Variants in MVB12B observed in about 807,000 individuals in gnomAD.
The protein encoded by MVB12B is multivesicular body subunit 12B, also known as ESCRT-I complex subunit MVB12B.
A neutral mutation model predicts 41.6 loss-of-function variants in MVB12B; 16 were observed. That is an observed-to-expected ratio of 0.38 (90% CI 0.26 to 0.58). The LOEUF is 0.58. MVB12B is among the 20% of genes least tolerant of loss of function. MVB12B has a pLI of 0.62. For missense variants in MVB12B, 274 were observed against 380.2 expected (o/e 0.72, Z 2.32); for synonymous variants, 133 against 139.7 (o/e 0.95, Z 0.34).
At chr9:126,425,573 C>T (rs970255508) in intron 7 of MVB12B, among the ~76,000 whole-genome samples, 1 of 152,206 alleles carries the variant, frequency 6.6e-6, no homozygotes, top group African/African-American at 2.4e-5. Flanking sequence ...TTCCAGACCA[C>T]AGATCAATAA....
chr9:126,338,635 GCA>G (rs1470431792), intron 1 of MVB12B, among the ~76,000 whole-genome samples: 1 of 150,882 alleles, frequency 6.6e-6, no homozygotes, highest in Non-Finnish European at 1.5e-5. Context: ...TGATATTTTA[GCA>G]CTGGCAGAAT....
At chr9:126,501,449 G>A (rs951565443) in intron 9 of MVB12B, among the ~76,000 whole-genome samples, 2 of 152,216 alleles carry the variant, frequency 1.3e-5, no homozygotes, top group Admixed American at 6.5e-5. Flanking sequence ...GGCTCCCTTC[G>A]GTTTGGGGGC....
At chr9:126,399,214 T>C (rs1831200544) in intron 6 of MVB12B, among the ~76,000 whole-genome samples, 1 of 152,186 alleles carries the variant, frequency 6.6e-6, no homozygotes, top group Non-Finnish European at 1.5e-5. Context: ...ACAGTGATGC[T>C]TCATCTCACA....
chr9:126,413,297 T>C (rs962461984), intron 6 of MVB12B, among the ~76,000 whole-genome samples: 1 of 152,192 alleles, frequency 6.6e-6, no homozygotes, highest in African/African-American at 2.4e-5. Context: ...AAGTCCAAGC[T>C]GTATCCAGCA....
chr9:126,374,336 G>T (rs1391081408), intron 2 of MVB12B, among the ~76,000 whole-genome samples: 2 of 152,364 alleles, frequency 1.3e-5, no homozygotes, highest in Non-Finnish European at 2.9e-5. Context: ...AACCAGGGAG[G>T]CTGCTTACAT....
chr9:126,489,791 A>G (rs1450353044), intron 9 of MVB12B, among the ~76,000 whole-genome samples: 5 of 152,214 alleles, frequency 3.3e-5, no homozygotes, highest in African/African-American at 1.2e-4. Context: ...GCCCGCATAC[A>G]TGAGTCCCAG....
chr9:126,453,963 G>A (rs940849938), intron 7 of MVB12B, among the ~76,000 whole-genome samples: 1 of 152,166 alleles, frequency 6.6e-6, no homozygotes, highest in African/African-American at 2.4e-5. Context: ...TGGAAGTCTG[G>A]TGTCCCATCA....
chr9:126,448,653 G>A (rs539221572), intron 7 of MVB12B, among the ~76,000 whole-genome samples: 2 of 152,186 alleles, frequency 1.3e-5, no homozygotes, highest in African/African-American at 4.8e-5. Context: ...AGGGGAAGCC[G>A]ATGTATCACA....
intron 4 of MVB12B, among the ~76,000 whole-genome samples, chr9:126,390,503 C>G (rs1424988460): frequency 6.6e-6 from 1 of 152,212 alleles, no homozygotes; most frequent in East Asian, 1.9e-4. Context: ...CGTTGGTCAG[C>G]ACTGGAGGTT....
chr9:126,456,709 T>C (rs552166974), intron 7 of MVB12B, among the ~76,000 whole-genome samples: 120 of 152,304 alleles, frequency 7.9e-4, no homozygotes, highest in African/African-American at 2.7e-3. Context: ...TCCTGGGATA[T>C]GGGGTCTGAG....
At chr9:126,365,299 TC>T (rs1307746117) in intron 2 of MVB12B, among the ~76,000 whole-genome samples, 3 of 142,486 alleles carry the variant, frequency 2.1e-5, no homozygotes, top group Non-Finnish European at 4.5e-5. Flanking sequence ...TCTCCTGACC[TC>T]ATGATCTATC....
intron 7 of MVB12B, among the ~76,000 whole-genome samples, chr9:126,435,382 A>G (rs1832443571): frequency 6.6e-6 from 1 of 152,200 alleles, no homozygotes; most frequent in Non-Finnish European, 1.5e-5. Flanking sequence ...TTGGCATAAT[A>G]GAAGGCAAAC....
chr9:126,392,301 C>G lies in MVB12B; in HGVS notation c.539+106C>G. On this transcript the variant is annotated intron_variant, in intron 5 of 9. Coordinates refer to ENST00000361171, the MANE Select transcript of MVB12B (RefSeq NM_033446.3). The surrounding 1 kb of genome is among the most constrained non-coding windows in gnomAD (Gnocchi z 4.8). ...ATTTCCATGCAGCCCCCCAGGCTCTCAGCCATGGGCCTCTGTCAGCCCAGT... is the reference window on the plus strand; with the variant it reads ...ATTTCCATGCAGCCCCCCAGGCTCTGAGCCATGGGCCTCTGTCAGCCCAGT... 7.5e-7 allele frequency: 1 copy of G among 1,329,998 alleles called. No individual in the cohort carries two copies. Among genetic ancestry groups the G allele is most frequent in the Admixed American group, 1.9e-5 (1 of 51,554 alleles). The allele number at this position is 1,329,998 out of a possible 1,614,324, so 82.4% of individuals were successfully genotyped here.
chr9:126,446,526 A>AC (rs1832772681), intron 7 of MVB12B, among the ~76,000 whole-genome samples: 1 of 151,562 alleles, frequency 6.6e-6, no homozygotes, highest in Non-Finnish European at 1.5e-5. Context: ...AAAAAAAAAA[A>AC]AAATCCTGTC....
chr9:126,359,061 A>ATTT (rs1164062424), intron 2 of MVB12B, among the ~76,000 whole-genome samples: 5 of 144,390 alleles, frequency 3.5e-5, no homozygotes, highest in African/African-American at 7.6e-5. Flanking sequence ...TTTAATTTTA[A>ATTT]TTTTTTTTTT....
Position 126,395,975 on chromosome 9 carries a change from T to G in MVB12B, c.662+278T>G. On this transcript the variant is annotated intron_variant, in intron 6 of 9. Coordinates refer to ENST00000361171, the MANE Select transcript of MVB12B (RefSeq NM_033446.3). The surrounding 1 kb of genome is among the most constrained non-coding windows in gnomAD (Gnocchi z 4.9). ...AAATTGGCTCCCTATTCAAAAGAGC[T>G]GCTAGCTACACACAGACACGTGCTG... The G allele has an allele frequency of 8.0e-7, 1 of 1,248,006 alleles. No individual in the cohort carries two copies. The highest frequency in any genetic ancestry group is 1.0e-6 in the Non-Finnish European group (1 of 990,522). 77.3% of individuals were successfully genotyped at this position (1,248,006 alleles called of 1,614,324 possible). A position where few individuals can be genotyped will look rare whatever the true frequency, so the allele number is the denominator to read the frequency against.
chr9:126,356,889 G>GC, intron 2 of MVB12B, among the ~76,000 whole-genome samples: 1 of 151,708 alleles, frequency 6.6e-6, no homozygotes, highest in Non-Finnish European at 1.5e-5. Flanking sequence ...GCTCCCTAAG[G>GC]CCCCCCAGAA....
intron 9 of MVB12B, among the ~76,000 whole-genome samples, chr9:126,489,806 G>A (rs1285946614): frequency 6.6e-6 from 1 of 152,204 alleles, no homozygotes; most frequent in East Asian, 1.9e-4. Flanking sequence ...TCCCAGGCAT[G>A]AGGAAGTGAA....
At chr9:126,483,171 C>T (rs1012179530) in intron 8 of MVB12B, among the ~76,000 whole-genome samples, 3 of 152,164 alleles carry the variant, frequency 2.0e-5, no homozygotes, top group Non-Finnish European at 4.4e-5. Flanking sequence ...CTGGGGAGCA[C>T]AGAACACTCA....
Sources: gnomAD v4.1 joint callset for allele counts (sites outside exome capture counted in the v4.1 genomes callset) on GRCh38, gnomAD v4.1.1 for gene constraint, Gnocchi (gnomAD v3.1) non-coding constraint, MANE v1.5 for transcripts, NCBI Gene and HGNC (gene_info 2026-07-23, HGNC 2026-07-21) for gene names.